CCDC197: variants seen among roughly 807,000 people sequenced by gnomAD.
CCDC197 encodes uncharacterized protein CCDC197.
Under a neutral mutation model 13.4 loss-of-function variants are expected in CCDC197, and 24 were observed. The ratio of observed to expected loss-of-function variants is 1.80; its 90% CI spans 1.30 to 2.53. The LOEUF is 2.53. CCDC197 is among the 30% of genes most tolerant of loss of function. The pLI, the probability that CCDC197 is intolerant of heterozygous loss-of-function variation, is 0.00. For synonymous variants in CCDC197, 99 were observed against 55.5 expected, an observed-to-expected ratio of 1.78 and a Z score of -3.48; for missense variants, 255 against 148.8, an observed-to-expected ratio of 1.71 and a Z score of -3.71.
chr14:93,988,286 G>A (rs553805352), intron 1 of CCDC197, among the ~76,000 whole-genome samples: 1 of 109,942 alleles, frequency 9.1e-6, no homozygotes, highest in African/African-American at 3.7e-5. Flanking sequence ...AAGGATGGAG[G>A]AGGGGATGGG....
upstream of CCDC197, among the ~76,000 whole-genome samples, chr14:93,994,314 C>T (rs990983788): frequency 6.6e-6 from 1 of 152,210 alleles, no homozygotes; most frequent in African/African-American, 2.4e-5. Flanking sequence ...ACTGTGTAGC[C>T]AGCCCTGTTA....
chr14:94,005,040 G>T, intron 6 of CCDC197, 69 bp downstream of exon 6: 1 of 674,076 alleles, frequency 1.5e-6, no homozygotes, highest in African/African-American at 1.8e-5. Context: ...AGCTAGTCCT[G>T]CTCCTTAGCC....
chr14:94,009,556 C>T (rs1890776008), downstream of CCDC197, among the ~76,000 whole-genome samples: 1 of 152,140 alleles, frequency 6.6e-6, no homozygotes, highest in Admixed American at 6.5e-5. Context: ...TAGGGAGAGC[C>T]TGTCTCTATA....
Position 94,003,593 on chromosome 14 carries a change from A to G in CCDC197, c.498+239A>G, listed in dbSNP as rs1890596971. Among the ~76,000 whole-genome samples, 1 of 146,578 alleles carries G rather than the reference A, an allele frequency of 6.8e-6. No homozygotes were observed. The highest frequency in any genetic ancestry group is 7.1e-5 in the Admixed American group (1 of 14,006). ...CATATAGACAGACCCAGCCAGACAC[A>G]TACACACAAATGCACAGACACACAC... On this transcript the variant is annotated intron_variant, in intron 5 of 6. Transcript: ENST00000636493. The surrounding 1 kb of genome is among the most constrained non-coding windows in gnomAD (Gnocchi z 5.0).
chr14:94,001,708 A>C (rs1890516865), intron 4 of CCDC197: 1 of 170,116 alleles, frequency 5.9e-6, no homozygotes, highest in Admixed American at 6.3e-5. Flanking sequence ...GGCACCAAAC[A>C]CAAACTGCCT....
upstream of CCDC197, among the ~76,000 whole-genome samples, chr14:93,996,100 G>C (rs965185464): frequency 7.2e-5 from 11 of 152,102 alleles, no homozygotes; most frequent in Admixed American, 4.6e-4. Flanking sequence ...GACTCTGGGG[G>C]ACTCCCCCAC....
At chr14:93,996,956 G>A (rs1054364631), upstream of CCDC197, among the ~76,000 whole-genome samples, 5 of 152,208 alleles carry the variant, frequency 3.3e-5, no homozygotes, top group Non-Finnish European at 4.4e-5. Context: ...GCCTTGGGGG[G>A]GCTGATGGAG....
chr14:94,004,900 C>A lies in CCDC197; in HGVS notation c.544C>A (p.Arg182=), dbSNP rs1002411763. ...GCAAATGACCATCACCAACATGGCC[C>A]GGCAGTGCTGCCCCTCTGCCCACGG... ...YMQMTITNMA[R]QCCPSAHGVP... The change falls in exon 6 of 7, where the codon CGG becomes AGG. Residue 182 remains arginine, a synonymous_variant. Transcript: ENST00000636493. 2.8e-6 allele frequency: 2 copies of A among 702,978 alleles called. No homozygotes were observed. Among genetic ancestry groups the A allele is most frequent in the Non-Finnish European group, 5.2e-6 (2 of 384,980 alleles). 43.5% of individuals were successfully genotyped at this position (702,978 alleles called of 1,614,324 possible). A position where few individuals can be genotyped will look rare whatever the true frequency, so the allele number is the denominator to read the frequency against.
chr14:94,006,131 G>A (rs59508125), intron 6 of CCDC197, among the ~76,000 whole-genome samples: 8,844 of 152,150 alleles, frequency 0.058, 664 homozygotes, highest in African/African-American at 0.17. Flanking sequence ...AATGTACGAG[G>A]GTTCCAATTT....
At chr14:94,010,365 G>T (rs1043913316), downstream of CCDC197, among the ~76,000 whole-genome samples, 6 of 152,142 alleles carry the variant, frequency 3.9e-5, no homozygotes, top group Admixed American at 1.3e-4. Flanking sequence ...CACCATGCCT[G>T]GCTAATTTTT....
upstream of CCDC197, among the ~76,000 whole-genome samples, chr14:93,994,860 G>T (rs556577733): frequency 1.3e-5 from 2 of 152,308 alleles, no homozygotes; most frequent in African/African-American, 4.8e-5. Context: ...GGTGCTAATG[G>T]AGTCTTCCCC....
At chr14:94,007,823 C>G (rs10134523) in intron 6 of CCDC197, among the ~76,000 whole-genome samples, 4 of 151,962 alleles carry the variant, frequency 2.6e-5, no homozygotes, top group Non-Finnish European at 5.9e-5. Context: ...CCCCAGGAAC[C>G]CTGAGGGGCA....
intron 3 of CCDC197, among the ~76,000 whole-genome samples, chr14:94,000,421 G>A (rs914179599): frequency 6.6e-6 from 1 of 152,112 alleles, no homozygotes; most frequent in African/African-American, 2.4e-5. Flanking sequence ...GAGGAGCTAT[G>A]GAAACTCCAA....
chr14:93,999,545 G>T, intron 2 of CCDC197, 38 bp from the exon 3 acceptor site: 1 of 779,672 alleles, frequency 1.3e-6, no homozygotes. Context: ...GCGTGACCTG[G>T]GAGCCTCCAG....
At chr14:93,987,750 T>C (rs1595345417) in intron 1 of CCDC197, among the ~76,000 whole-genome samples, 1 of 152,094 alleles carries the variant, frequency 6.6e-6, no homozygotes, top group East Asian at 1.9e-4. Context: ...GAGGTAACAC[T>C]CCAGCAAGTC....
In CCDC197 at chr14:94,003,493, G is replaced by A. The variant is rs534720822; in HGVS notation, c.498+139G>A. ...CAGAGCCAGACACATAGACACACAG[G>A]CACACACACAGCCAGACACACACAC... is the stretch of plus-strand genomic sequence containing the variant. On this transcript the variant is annotated intron_variant, in intron 5 of 6. Transcript: ENST00000636493. The surrounding 1 kb of genome is among the most constrained non-coding windows in gnomAD (Gnocchi z 5.0). 1.9e-4 allele frequency: 119 copies of A among 615,294 alleles called. 2 individuals carry two copies. In the South Asian group the frequency reaches 2.1e-3, roughly 11 times the overall value. The allele number at this position is 615,294 out of a possible 1,614,324, so 38.1% of individuals were successfully genotyped here.
intron 4 of CCDC197, among the ~76,000 whole-genome samples, chr14:94,002,166 G>A (rs1890535733): frequency 6.6e-6 from 1 of 152,204 alleles, no homozygotes; most frequent in Non-Finnish European, 1.5e-5. Flanking sequence ...CCATTTTCGA[G>A]GGGAGGAAAG....
chr14:93,994,425 G>A (rs1328744892), upstream of CCDC197, among the ~76,000 whole-genome samples: 7 of 152,226 alleles, frequency 4.6e-5, no homozygotes, highest in East Asian at 1.2e-3. Context: ...CTAGAGGACC[G>A]TTCTGAGAAT....
At chr14:94,000,604 C>T (rs1394651724) in intron 3 of CCDC197, among the ~76,000 whole-genome samples, 3 of 151,960 alleles carry the variant, frequency 2.0e-5, no homozygotes, top group Non-Finnish European at 4.4e-5. Flanking sequence ...GGCTGCTGGG[C>T]GATGTGGCTG....
Sources: gnomAD v4.1 joint callset for allele counts (sites outside exome capture counted in the v4.1 genomes callset) on GRCh38, gnomAD v4.1.1 for gene constraint, Gnocchi (gnomAD v3.1) non-coding constraint, MANE v1.5 for transcripts, NCBI Gene and HGNC (gene_info 2026-07-23, HGNC 2026-07-21) for gene names.